The following GFM1 variants were observed in gnomAD, a reference collection of about 807,000 sequenced individuals.
GFM1 encodes the protein elongation factor G, mitochondrial.
Under a neutral mutation model 96.2 loss-of-function variants are expected in GFM1, and 62 were observed. The observed-to-expected ratio is 0.64, with a 90% CI of 0.53 to 0.80. GFM1 has a LOEUF of 0.80. Among genes scored for constraint, GFM1 ranks in the 30% least tolerant of loss-of-function variants. GFM1 has a pLI of 0.00. For synonymous variants in GFM1, 282 were observed against 312.9 expected (o/e 0.90, Z 1.04); for missense variants, 852 against 916.6 (o/e 0.93, Z 0.91).
chr3:158,666,584 G>T, intron 13 of GFM1, 198 bp downstream of exon 13: 1 of 1,441,408 alleles, frequency 6.9e-7, no homozygotes, highest in Non-Finnish European at 9.7e-7. Flanking sequence ...TAAGCTAGAT[G>T]CCAGTGAAAT....
In GFM1 at chr3:158,694,085, A is replaced by G. The variant is rs1726467816; in HGVS notation, c.*2618A>G. ...TGACTCAGCAATACCATTACTATAT[A>G]CCCAAAGGAACGTAAATCATTCTAT... On this transcript the variant is annotated 3_prime_UTR_variant, in exon 18 of 18. Transcript: ENST00000486715. Among the ~76,000 whole-genome samples, 1 of 152,080 alleles carries G rather than the reference A, an allele frequency of 6.6e-6. No homozygotes were observed. Among genetic ancestry groups the G allele is most frequent in the Non-Finnish European group, 1.5e-5 (1 of 68,022 alleles).
intron 3 of GFM1, 79 bp downstream of exon 3, chr3:158,646,376 G>C: frequency 6.9e-7 from 1 of 1,441,184 alleles, no homozygotes; most frequent in East Asian, 2.3e-5. Flanking sequence ...GACCCAATTA[G>C]TTTTTGATTG....
chr3:158,672,603 G>T, intron 13 of GFM1: 1 of 1,187,836 alleles, frequency 8.4e-7, no homozygotes, highest in Non-Finnish European at 1.2e-6. Context: ...AGCTCCTTCA[G>T]TCAGTCTTCT....
intron 11 of GFM1, among the ~76,000 whole-genome samples, chr3:158,663,155 T>A (rs1245301457): frequency 6.6e-6 from 1 of 152,214 alleles, no homozygotes; most frequent in Non-Finnish European, 1.5e-5. Context: ...TAAGACTTTT[T>A]TCCACTTTGA....
chr3:158,648,529 T>C (rs776633995), intron 4 of GFM1, among the ~76,000 whole-genome samples: 14 of 152,040 alleles, frequency 9.2e-5, no homozygotes, highest in Non-Finnish European at 1.9e-4. Context: ...ATACAAAAAA[T>C]TAGCCAGGCG....
intron 13 of GFM1, 123 bp downstream of exon 13, chr3:158,666,509 T>C (rs1723695396): frequency 2.7e-6 from 3 of 1,126,892 alleles, no homozygotes; most frequent in Admixed American, 1.8e-5. Context: ...TTATGGACTC[T>C]ATAAAGTTCT....
Position 158,651,419 on chromosome 3 carries a change from G to A in GFM1, c.690-677G>A, listed in dbSNP as rs1165310893. On this transcript the variant is annotated intron_variant, in intron 5 of 17. Coordinates refer to ENST00000486715, the MANE Select transcript of GFM1 (RefSeq NM_024996.7). ...ACCTCTTCTGTTTACTAGTAGGACA[G>A]CCTTGGGCAAATTACTTTGCCTGTG... 2.0e-5 allele frequency among the ~76,000 whole-genome samples: 3 copies of A among 152,250 alleles called. No homozygotes were observed. In the East Asian group the frequency reaches 5.8e-4, roughly 29 times the overall value.
chr3:158,676,113 A>G (rs1724867542), intron 13 of GFM1, among the ~76,000 whole-genome samples: 1 of 152,210 alleles, frequency 6.6e-6, no homozygotes, highest in Non-Finnish European at 1.5e-5. Flanking sequence ...TCTGTAAACT[A>G]CACAAATTAG....
intron 8 of GFM1, chr3:158,657,479 A>G (rs1353288745): frequency 6.6e-6 from 1 of 152,182 alleles, no homozygotes; most frequent in Non-Finnish European, 1.5e-5. Context: ...TTCTATTGTA[A>G]TCTTTTATCT....
chr3:158,667,093 ACG>A, intron 13 of GFM1: 1 of 1,569,508 alleles, frequency 6.4e-7, no homozygotes, highest in Non-Finnish European at 8.6e-7. Context: ...AAAAATAAAA[ACG>A]TGTTGTTTAA....
chr3:158,687,232 A>C (rs776949209), intron 15 of GFM1, among the ~76,000 whole-genome samples: 6 of 151,860 alleles, frequency 4.0e-5, no homozygotes, highest in Non-Finnish European at 8.8e-5. Context: ...GCTGGTCTCA[A>C]ACTCCTGGGC....
intron 11 of GFM1, among the ~76,000 whole-genome samples, chr3:158,663,377 T>C (rs1198975906): frequency 6.6e-6 from 1 of 152,240 alleles, no homozygotes; most frequent in Non-Finnish European, 1.5e-5. Context: ...AATTCACTTA[T>C]TCATACATTG....
At chr3:158,673,586 A>G (rs2108074135) in intron 13 of GFM1, among the ~76,000 whole-genome samples, 1 of 137,908 alleles carries the variant, frequency 7.3e-6, no homozygotes, top group East Asian at 2.1e-4. Context: ...ATCTCGGCTC[A>G]CTGCAACGTC....
chr3:158,683,209 C>T (rs574806312), intron 14 of GFM1, among the ~76,000 whole-genome samples: 2 of 152,142 alleles, frequency 1.3e-5, no homozygotes, highest in African/African-American at 4.8e-5. Context: ...TTTTGTGATT[C>T]ACACACTTTA....
In GFM1 at chr3:158,669,173, A is replaced by G. The variant is rs373257319; in HGVS notation, c.1601+2787A>G. 9.1e-6 allele frequency: 14 copies of G among 1,532,372 alleles called. No individual in the cohort carries two copies. In the African/African-American group the frequency reaches 1.8e-4, roughly 20 times the overall value. 94.9% of individuals were successfully genotyped at this position (1,532,372 alleles called of 1,614,324 possible). A position where few individuals can be genotyped will look rare whatever the true frequency, so the allele number is the denominator to read the frequency against. ...TTTATATGATAATCATATATATAGTATTAACCTTTTAAAACAAAATCTAAA... is the reference window on the plus strand; with the variant it reads ...TTTATATGATAATCATATATATAGTGTTAACCTTTTAAAACAAAATCTAAA... On this transcript the variant is annotated intron_variant, in intron 13 of 17. Transcript: ENST00000486715.
intron 13 of GFM1, among the ~76,000 whole-genome samples, chr3:158,674,592 G>A (rs925172955): frequency 6.6e-6 from 1 of 152,048 alleles, no homozygotes; most frequent in African/African-American, 2.4e-5. Flanking sequence ...TAAGACTTTC[G>A]GAGAACAGTA....
chr3:158,652,217 G>C lies in GFM1; in HGVS notation c.811G>C (p.Glu271Gln), dbSNP rs374427028. The change falls in exon 6 of 18, where the codon GAA (glutamate) becomes CAA (glutamine). Residue 271 changes from glutamate to glutamine, a missense_variant. Glu to Gln is a conservative substitution (Grantham distance 29, BLOSUM62 2). Coordinates refer to ENST00000486715, the MANE Select transcript of GFM1 (RefSeq NM_024996.7). Reference sequence around the variant, plus strand: ...ACAGCTTGGTGAGATGTTTCTGGAAGAAAAAATCCCCTCGATTTCTGATTT... The same window carrying C: ...ACAGCTTGGTGAGATGTTTCTGGAACAAAAAATCCCCTCGATTTCTGATTT... ...DEQLGEMFLEEKIPSISDLKL... is the reference protein window; with the variant it reads ...DEQLGEMFLEQKIPSISDLKL... 3 of 1,613,902 alleles carry C rather than the reference G, an allele frequency of 1.9e-6. No individual in the cohort carries two copies. Among genetic ancestry groups the C allele is most frequent in the Non-Finnish European group, 2.5e-6 (3 of 1,179,974 alleles).
At chr3:158,676,135 A>T (rs1467189029) in intron 13 of GFM1, among the ~76,000 whole-genome samples, 1 of 152,094 alleles carries the variant, frequency 6.6e-6, no homozygotes, top group African/African-American at 2.4e-5. Flanking sequence ...CAGATGTGAT[A>T]GCATGTGCCT....
chr3:158,644,925 C>T, intron 1 of GFM1: 1 of 518,978 alleles, frequency 1.9e-6, no homozygotes, highest in Non-Finnish European at 3.6e-6. Flanking sequence ...AGGGTTTAAT[C>T]AACTAAAAGT....
Sources: gnomAD v4.1 joint callset for allele counts (sites outside exome capture counted in the v4.1 genomes callset) on GRCh38, gnomAD v4.1.1 for gene constraint, MANE v1.5 for transcripts, NCBI Gene and HGNC (gene_info 2026-07-23, HGNC 2026-07-21) for gene names.